The following RTN3 variants were observed in gnomAD, a reference collection of about 807,000 sequenced individuals.
RTN3 encodes the protein reticulon 3, also known as reticulon-3.
A neutral mutation model predicts 77.8 loss-of-function variants in RTN3; 49 were observed. The observed-to-expected ratio is 0.63, with a 90% CI of 0.50 to 0.80. The LOEUF (loss-of-function observed/expected upper bound fraction) is 0.80. RTN3 is among the 30% of genes least tolerant of loss of function. RTN3 has a pLI of 0.00. For missense variants in RTN3, 1,236 were observed against 1,211.9 expected (o/e 1.02, Z -0.29); for synonymous variants, 464 against 446.9 (o/e 1.04, Z -0.48).
rs1190032268 is a variant in RTN3 at position 63,730,240 on chromosome 11, C to T, written c.2530+9208C>T. Among the ~76,000 whole-genome samples, 6 of 152,074 alleles carry T rather than the reference C, an allele frequency of 3.9e-5. No individual in the cohort carries two copies. In the East Asian group the frequency reaches 1.2e-3, roughly 29 times the overall value. ...CCTCGGCCTCCCAAAGTGCTGGGAT[C>T]ATAGGCGTGAGCCACCGTGCTCGGC... On this transcript the variant is annotated intron_variant, in intron 3 of 8. Coordinates refer to ENST00000377819, the MANE Select transcript of RTN3 (RefSeq NM_001265589.2).
intron 3 of RTN3, among the ~76,000 whole-genome samples, chr11:63,730,400 G>A (rs1339705651): frequency 1.3e-5 from 2 of 152,198 alleles, no homozygotes; most frequent in Non-Finnish European, 2.9e-5. Context: ...AAATAAATAA[G>A]GGACATCTTA....
chr11:63,718,258 G>T (rs543666156), intron 2 of RTN3, among the ~76,000 whole-genome samples: 4 of 152,226 alleles, frequency 2.6e-5, no homozygotes, highest in African/African-American at 9.6e-5. Flanking sequence ...GGCAGTCTGT[G>T]CTCTGAATTG....
In RTN3 at chr11:63,758,527, CCT is replaced by C. The variant is rs1012514696; in HGVS notation, c.*329_*330del. ...AGGTAAGAGAGAAAATGAAAGAACA[CCT>C]CTGGGTCCTTCTGTCCAGTTTTCAG... On this transcript the variant is annotated 3_prime_UTR_variant, in exon 9 of 9. Transcript: ENST00000377819. The C allele has an allele frequency of 1.9e-5, 11 of 571,038 alleles. No homozygotes were observed. The highest frequency in any genetic ancestry group is 1.7e-4 in the African/African-American group (9 of 52,972). 35.4% of individuals were successfully genotyped at this position (571,038 alleles called of 1,614,324 possible).
At chr11:63,699,328 T>C (rs1280654006) in intron 1 of RTN3, among the ~76,000 whole-genome samples, 1 of 151,938 alleles carries the variant, frequency 6.6e-6, no homozygotes, top group Non-Finnish European at 1.5e-5. Context: ...AAGAATTCCT[T>C]CTGTGTTCCC....
chr11:63,741,658 G>C (rs527934027), intron 3 of RTN3, among the ~76,000 whole-genome samples: 32 of 151,810 alleles, frequency 2.1e-4, no homozygotes, highest in African/African-American at 7.2e-4. Context: ...GTACCACCAT[G>C]CCCAGCTAAC....
At chr11:63,721,143 A>G (rs2011762027) in intron 3 of RTN3, 111 bp downstream of exon 3, 1 of 920,178 alleles carries the variant, frequency 1.1e-6, no homozygotes, top group Non-Finnish European at 1.6e-6. Flanking sequence ...GCTAAAATAC[A>G]AAAACAATAT....
chr11:63,720,008 C>T lies in RTN3; in HGVS notation c.1506C>T (p.Asp502=). The change falls in exon 3 of 9, where the codon GAC becomes GAT. Residue 502 remains aspartate (D), a synonymous_variant. Coordinates refer to ENST00000377819, the MANE Select transcript of RTN3 (RefSeq NM_001265589.2). The part of the protein sequence containing the change: ...TEADSSGESD[D]TVIEDITADT... ...CTGATAGTTCTGGTGAGTCTGATGA[C>T]ACAGTAATAGAGGACATCACAGCAG... 6 of 1,614,056 alleles carry T rather than the reference C, an allele frequency of 3.7e-6. No individual in the cohort carries two copies. Among genetic ancestry groups the T allele is most frequent in the Non-Finnish European group, 5.1e-6 (6 of 1,180,022 alleles).
In RTN3 at chr11:63,758,138, C is replaced by T. The variant is rs770441725; in HGVS notation, c.3054-18C>T. The T allele has an allele frequency of 6.9e-5, 105 of 1,515,172 alleles. No homozygotes were observed. Among genetic ancestry groups the T allele is most frequent in the Non-Finnish European group, 9.1e-5 (101 of 1,111,608 alleles). 93.9% of individuals were successfully genotyped at this position (1,515,172 alleles called of 1,614,324 possible). ...AATGTTTTCACTTTCTTTCTTTTTC[C>T]CCTCCTTTTCTCAATAGGATCCAAG... is the stretch of plus-strand genomic sequence containing the variant. On this transcript the variant is annotated intron_variant, in intron 8 of 8. Transcript: ENST00000377819.
At chr11:63,686,008 A>C (rs1172476520) in intron 1 of RTN3, among the ~76,000 whole-genome samples, 1 of 152,198 alleles carries the variant, frequency 6.6e-6, no homozygotes, top group Non-Finnish European at 1.5e-5. Flanking sequence ...CCTTTGAAGG[A>C]AACTGAAGAT....
At chr11:63,757,331 C>A (rs1422272117) in intron 8 of RTN3, among the ~76,000 whole-genome samples, 1 of 151,154 alleles carries the variant, frequency 6.6e-6, no homozygotes, top group Admixed American at 6.6e-5. Flanking sequence ...TATTTTTTTT[C>A]TTTTTTCTTT....
intron 1 of RTN3, among the ~76,000 whole-genome samples, chr11:63,686,990 AGTT>A (rs1941409423): frequency 6.6e-6 from 1 of 152,218 alleles, no homozygotes; most frequent in Non-Finnish European, 1.5e-5. Context: ...CATGAAACTT[AGTT>A]GTTCTGTGTA....
At chr11:63,699,116 A>G (rs1020809327) in intron 1 of RTN3, among the ~76,000 whole-genome samples, 2 of 152,056 alleles carry the variant, frequency 1.3e-5, no homozygotes, top group Non-Finnish European at 2.9e-5. Flanking sequence ...GTGAAACCCC[A>G]CTAAAAATAC....
chr11:63,693,555 G>A (rs766564414), intron 1 of RTN3, among the ~76,000 whole-genome samples: 1 of 152,022 alleles, frequency 6.6e-6, no homozygotes, highest in Non-Finnish European at 1.5e-5. Context: ...TAAACTTTAG[G>A]TTAAGAACAT....
At position 63,712,353 on chromosome 11, in the gene RTN3, A is replaced by G. The variant is rs376070706; in HGVS notation, c.200-6349A>G. Among the ~76,000 whole-genome samples the G allele has an allele frequency of 1.5e-4, 23 of 152,294 alleles. 1 individual carries two copies. The East Asian group carries it at 2.5e-3, about 17-fold the overall frequency. Reference sequence around the variant, plus strand: ...TACTAAGTGGCAGCTACTACTGTGAACATGTATTAACTCATTTAATCCTCA... The same window carrying G: ...TACTAAGTGGCAGCTACTACTGTGAGCATGTATTAACTCATTTAATCCTCA... On this transcript the variant is annotated intron_variant, in intron 2 of 8. Coordinates refer to ENST00000377819, the MANE Select transcript of RTN3 (RefSeq NM_001265589.2).
Position 63,758,260 on chromosome 11 carries a change from G to A in RTN3, c.*59G>A, listed in dbSNP as rs767334018. 1.7e-5 allele frequency: 28 copies of A among 1,613,342 alleles called. 1 individual carries two copies. Among genetic ancestry groups the A allele is most frequent in the Middle Eastern group, 1.6e-4 (1 of 6,084 alleles). ...AACACCATTTAATAGTTATAACGTC[G>A]TTACTTGTACTATGAAGGAAAATAC... is the stretch of plus-strand genomic sequence containing the variant. On this transcript the variant is annotated 3_prime_UTR_variant, in exon 9 of 9. Coordinates refer to ENST00000377819, the MANE Select transcript of RTN3 (RefSeq NM_001265589.2).
At chr11:63,681,908 A>G (rs1037681588) in intron 1 of RTN3, 130 bp downstream of exon 1, 22 of 1,029,930 alleles carry the variant, frequency 2.1e-5, no homozygotes, top group African/African-American at 3.3e-5. Context: ...CCCCCCGGGG[A>G]CGAGCGTTTG....
At chr11:63,695,778 C>G (rs948260205) in intron 1 of RTN3, among the ~76,000 whole-genome samples, 2 of 152,052 alleles carry the variant, frequency 1.3e-5, no homozygotes, top group African/African-American at 4.8e-5. Flanking sequence ...GCTGACAGTC[C>G]AGAAAAGGCT....
chr11:63,697,569 G>A (rs1942029427), intron 1 of RTN3, among the ~76,000 whole-genome samples: 1 of 151,928 alleles, frequency 6.6e-6, no homozygotes, highest in African/African-American at 2.4e-5. Context: ...TCTGCCTCCT[G>A]GGTTCAAGCA....
rs570046495 is a variant in RTN3 at position 63,758,391 on chromosome 11, A to G, written c.*190A>G. ...ATCAAGCACAAAAATTGATGGACTGATAAAAGAACTATCTTAGAACTCAGA... is the reference window on the plus strand; with the variant it reads ...ATCAAGCACAAAAATTGATGGACTGGTAAAAGAACTATCTTAGAACTCAGA... On this transcript the variant is annotated 3_prime_UTR_variant, in exon 9 of 9. Transcript: ENST00000377819. The G allele has an allele frequency of 1.5e-5, 23 of 1,513,634 alleles. No homozygotes were observed. In the South Asian group the frequency reaches 2.2e-4, roughly 14 times the overall value. 93.8% of individuals were successfully genotyped at this position (1,513,634 alleles called of 1,614,324 possible).
Sources: allele counts gnomAD v4.1 joint callset (sites outside exome capture counted in the v4.1 genomes callset), GRCh38; gene constraint gnomAD v4.1.1; transcripts MANE v1.5; gene names NCBI Gene and HGNC (gene_info 2026-07-23, HGNC 2026-07-21).